The following OTUD4 variants were observed in gnomAD, a reference collection of about 807,000 sequenced individuals.
The protein encoded by OTUD4 is OTU deubiquitinase 4.
OTUD4 carries 24 observed loss-of-function variants against 130.4 expected under a neutral mutation model. The ratio of observed to expected loss-of-function variants is 0.18; its 90% confidence interval spans 0.13 to 0.26. The LOEUF (loss-of-function observed/expected upper bound fraction) is 0.26, where lower values mean the gene tolerates loss of function less well. OTUD4 is among the 10% of genes least tolerant of loss of function. OTUD4 has a pLI of 1.00. For synonymous variants in OTUD4, 420 were observed against 472.5 expected, an observed-to-expected ratio of 0.89 and a Z score of 1.44; for missense variants, 1,031 against 1,329.4, an observed-to-expected ratio of 0.78 and a Z score of 3.49.
In OTUD4 at chr4:145,159,555, C is replaced by T. The variant is rs1051017425; in HGVS notation, c.577G>A (p.Val193Ile). 1.1e-5 allele frequency: 17 copies of T among 1,613,384 alleles called. No homozygotes were observed. Among genetic ancestry groups the T allele is most frequent in the Non-Finnish European group, 9.3e-6 (11 of 1,179,566 alleles). Reference sequence around the variant, plus strand: ...ATTTCACTGTTATCTTCATCAGCTACTTCCAACGTGTCTAGTTCCATCACA... The same window carrying T: ...ATTTCACTGTTATCTTCATCAGCTATTTCCAACGTGTCTAGTTCCATCACA... ...KIVMELDTLE[V>I]ADEDNSEISD... The change falls in exon 7 of 21, where the codon GTA becomes ATA. Residue 193 changes from valine (V) to isoleucine (I), a missense_variant. By Grantham distance (29) the Val-to-Ile change is conservative. This residue lies in a region of OTUD4 where 900 missense variants were observed against 1,095.9 expected (regional missense o/e 0.82). Transcript: ENST00000447906.
intron 3 of OTUD4, among the ~76,000 whole-genome samples, 159 bp downstream of exon 3, chr4:145,171,511 G>A (rs577415730): frequency 2.2e-4 from 34 of 152,194 alleles, no homozygotes; most frequent in African/African-American, 8.2e-4. Context: ...TCCAACTTAA[G>A]TGCTGCATAA....
chr4:145,162,447 G>A (rs888971280), intron 6 of OTUD4, among the ~76,000 whole-genome samples, 193 bp downstream of exon 6: 14 of 151,904 alleles, frequency 9.2e-5, no homozygotes, highest in South Asian at 4.1e-4. Flanking sequence ...CCAGCTACTC[G>A]GGAGGCTGAG....
intron 5 of OTUD4, 60 bp downstream of exon 5, chr4:145,164,094 T>C (rs1030556738): frequency 4.2e-6 from 3 of 712,700 alleles, no homozygotes; most frequent in Middle Eastern, 3.0e-4. Flanking sequence ...TATGAGGTCA[T>C]GGTAGCAACT....
chr4:145,160,561 C>T (rs1009055720), intron 6 of OTUD4, among the ~76,000 whole-genome samples: 4 of 152,134 alleles, frequency 2.6e-5, no homozygotes, highest in Admixed American at 2.6e-4. Context: ...ACCTGTAATC[C>T]CAACACTTTG....
intron 1 of OTUD4, 176 bp downstream of exon 1, chr4:145,179,639 T>C (rs1561005194): frequency 5.0e-6 from 7 of 1,398,990 alleles, no homozygotes; most frequent in Non-Finnish European, 6.4e-6. Context: ...AATTTGCACC[T>C]TTCAGACGCA....
At chr4:145,168,472 G>A (rs1424638370) in intron 3 of OTUD4, among the ~76,000 whole-genome samples, 1 of 143,590 alleles carries the variant, frequency 7.0e-6, no homozygotes, top group Non-Finnish European at 1.5e-5. Context: ...TGTATTTGTA[G>A]AACACATATC....
chr4:145,149,159 T>C (rs1412973846), intron 13 of OTUD4, among the ~76,000 whole-genome samples: 1 of 152,136 alleles, frequency 6.6e-6, no homozygotes, highest in Non-Finnish European at 1.5e-5. Context: ...GTATGACTAA[T>C]GCCCTTACAA....
At chr4:145,172,549 G>A (rs1257282862) in intron 2 of OTUD4, among the ~76,000 whole-genome samples, 1 of 152,158 alleles carries the variant, frequency 6.6e-6, no homozygotes, top group South Asian at 2.1e-4. Flanking sequence ...ACTCATTTGA[G>A]AAATCTCTAA....
chr4:145,137,919 G>A lies in OTUD4; in HGVS notation c.2856C>T (p.Ser952=), dbSNP rs1362761703. Residue 952 remains serine, a synonymous_variant, in exon 21 of 21, where the codon TCC becomes TCT. Transcript: ENST00000447906. ...CCTTTCCCTCTGCTACAGGAGGGAT[G>A]GAAGCCAATGCCGTATCTGCCTTTC... ...QTRKADTALA[S]IPPVAEGKAH... is the part of the protein sequence containing the mutation. The A allele has an allele frequency of 6.2e-7, 1 of 1,614,036 alleles. No homozygotes were observed. The highest frequency in any genetic ancestry group is 8.5e-7 in the Non-Finnish European group (1 of 1,180,046).
Position 145,136,829 on chromosome 4 carries a change from G to A in OTUD4, c.*601C>T, listed in dbSNP as rs1182059966. ...ACACAGTTAATAGGCTGCCTTATGT[G>A]AATATTAAAGAGAAGACATTATTCA... On this transcript the variant is annotated 3_prime_UTR_variant, in exon 21 of 21. Transcript: ENST00000447906. The A allele has an allele frequency of 6.5e-6, 1 of 152,710 alleles. No individual in the cohort carries two copies. Among genetic ancestry groups the A allele is most frequent in the East Asian group, 1.9e-4 (1 of 5,190 alleles). The allele number at this position is 152,710 out of a possible 1,614,324, so 9.5% of individuals were successfully genotyped here.
At chr4:145,143,080 T>C (rs754729963) in intron 17 of OTUD4, among the ~76,000 whole-genome samples, 7 of 152,200 alleles carry the variant, frequency 4.6e-5, no homozygotes, top group South Asian at 2.1e-4. Flanking sequence ...TAATACAAAG[T>C]ATCAAATATA....
rs534069665 is a variant in OTUD4 at position 145,174,545 on chromosome 4, GTTA to G, written c.243+113_243+115del. ...CAATAGAGAAGTTTTTTTAATAAGT[GTTA>G]TTTTCATAACCCGCATTAAGATCCA... is the stretch of plus-strand genomic sequence containing the variant. On this transcript the variant is annotated intron_variant, in intron 2 of 20. Coordinates refer to ENST00000447906, the MANE Select transcript of OTUD4 (RefSeq NM_001366057.1). 1,511 of 618,068 alleles carry G rather than the reference GTTA, an allele frequency of 2.4e-3. 4 individuals carry two copies. Among genetic ancestry groups the G allele is most frequent in the Non-Finnish European group, 3.8e-3 (1,260 of 335,904 alleles). The allele number at this position is 618,068 out of a possible 1,614,324, so 38.3% of individuals were successfully genotyped here.
intron 1 of OTUD4, 86 bp downstream of exon 1, chr4:145,179,729 C>A (rs991478307): frequency 1.4e-6 from 2 of 1,438,082 alleles, no homozygotes; most frequent in East Asian, 5.7e-5. Context: ...GTGGGCGGCC[C>A]GGACAGCCCG....
At chr4:145,139,764 G>GT (rs767089137) in intron 20 of OTUD4, among the ~76,000 whole-genome samples, 187 bp downstream of exon 20, 1 of 152,096 alleles carries the variant, frequency 6.6e-6, no homozygotes, top group Non-Finnish European at 1.5e-5. Context: ...AGACAAAAAA[G>GT]TAAGTAAAAC....
rs191897790 is a variant in OTUD4 at position 145,160,544 on chromosome 4, G to A, written c.497-909C>T. Among the ~76,000 whole-genome samples, 1,003 of 152,312 alleles carry A rather than the reference G, an allele frequency of 6.6e-3. 10 individuals carry two copies. Among genetic ancestry groups the A allele is most frequent in the Non-Finnish European group, 0.011 (752 of 68,020 alleles). ...CATCAACAATGGGGCCAGGTGTGGAGGCTCACACCTGTAATCCCAACACTT... is the reference window on the plus strand; with the variant it reads ...CATCAACAATGGGGCCAGGTGTGGAAGCTCACACCTGTAATCCCAACACTT... On this transcript the variant is annotated intron_variant, in intron 6 of 20. Coordinates refer to ENST00000447906, the MANE Select transcript of OTUD4 (RefSeq NM_001366057.1).
intron 1 of OTUD4, among the ~76,000 whole-genome samples, chr4:145,177,154 GTATGAA>G (rs1554002214): frequency 6.6e-6 from 1 of 152,170 alleles, no homozygotes; most frequent in Non-Finnish European, 1.5e-5. Flanking sequence ...GGTATTACTC[GTATGAA>G]TAAACCACAG....
intron 6 of OTUD4, among the ~76,000 whole-genome samples, chr4:145,162,353 A>C (rs548456907): frequency 6.6e-6 from 1 of 152,248 alleles, no homozygotes; most frequent in Admixed American, 6.5e-5. Flanking sequence ...GGAGATCGAG[A>C]CCACCCTGGC....
At chr4:145,159,119 G>C in intron 7 of OTUD4, 1 of 1,038,036 alleles carries the variant, frequency 9.6e-7, no homozygotes, top group Non-Finnish European at 1.2e-6. Context: ...ACCTAAGAAA[G>C]AAAACAATAA....
At chr4:145,173,291 G>C (rs1418451492) in intron 2 of OTUD4, among the ~76,000 whole-genome samples, 2 of 152,188 alleles carry the variant, frequency 1.3e-5, no homozygotes, top group African/African-American at 4.8e-5. Flanking sequence ...CTACACTGGA[G>C]GCTGAGGCAG....
Sources: gnomAD v4.1 joint callset for allele counts (sites outside exome capture counted in the v4.1 genomes callset) on GRCh38, gnomAD v4.1.1 for gene constraint, gnomAD v4.1.1 regional missense constraint, MANE v1.5 for transcripts, NCBI Gene and HGNC (gene_info 2026-07-23, HGNC 2026-07-21) for gene names.